UGT8: variants seen among roughly 807,000 people sequenced by gnomAD.
The protein encoded by UGT8 is 2-hydroxyacylsphingosine 1-beta-galactosyltransferase.
In UGT8, 12 loss-of-function variants were observed where a neutral mutation model predicts 40.5. That is an observed-to-expected ratio of 0.30 (90% CI 0.19 to 0.48). The LOEUF is 0.48. UGT8 is among the 20% of genes least tolerant of loss of function. UGT8 has a pLI of 0.99. For synonymous variants in UGT8, 224 were observed against 240.4 expected (o/e 0.93, Z 0.63); for missense variants, 513 against 648.7 (o/e 0.79, Z 2.27).
chr4:114,665,805 C>T, intron 4 of UGT8, 49 bp downstream of exon 4: 1 of 1,402,264 alleles, frequency 7.1e-7, no homozygotes, highest in Non-Finnish European at 9.8e-7. Context: ...GTTTTAATTA[C>T]ATAAATGTGA....
chr4:114,667,885 T>C, intron 4 of UGT8, 200 bp from the exon 5 acceptor site: 4 of 940,102 alleles, frequency 4.3e-6, no homozygotes, highest in Non-Finnish European at 5.1e-6. Flanking sequence ...GGCTTTTAAT[T>C]GATATATCAA....
At chr4:114,646,583 C>T (rs1560693720) in intron 2 of UGT8, among the ~76,000 whole-genome samples, 1 of 152,118 alleles carries the variant, frequency 6.6e-6, no homozygotes, top group African/African-American at 2.4e-5. Context: ...TGCAGAAAGA[C>T]ACACAGATAG....
At chr4:114,659,083 A>G (rs1734362555) in intron 2 of UGT8, among the ~76,000 whole-genome samples, 1 of 152,132 alleles carries the variant, frequency 6.6e-6, no homozygotes. Flanking sequence ...TTGGTATATA[A>G]TTACTCTAGG....
chr4:114,650,633 A>G (rs923282544), intron 2 of UGT8, among the ~76,000 whole-genome samples: 1 of 152,154 alleles, frequency 6.6e-6, no homozygotes, highest in African/African-American at 2.4e-5. Context: ...CTTAGAAAGA[A>G]TTGTTTTCCT....
At chr4:114,637,964 A>G (rs1732989758) in intron 2 of UGT8, among the ~76,000 whole-genome samples, 1 of 152,176 alleles carries the variant, frequency 6.6e-6, no homozygotes, top group Non-Finnish European at 1.5e-5. Context: ...AAAATACGTA[A>G]CCTCATACTT....
chr4:114,642,369 A>G (rs960423929), intron 2 of UGT8, among the ~76,000 whole-genome samples: 1 of 152,162 alleles, frequency 6.6e-6, no homozygotes, highest in Non-Finnish European at 1.5e-5. Flanking sequence ...TGCTCAGCAC[A>G]TATTAGGCCC....
chr4:114,603,243 G>A (rs1480992204), intron 1 of UGT8, among the ~76,000 whole-genome samples: 4 of 152,128 alleles, frequency 2.6e-5, no homozygotes, highest in Admixed American at 2.0e-4. Flanking sequence ...ATAGAAAATC[G>A]AACTGGAGAT....
intron 2 of UGT8, among the ~76,000 whole-genome samples, chr4:114,634,204 G>A (rs1732750709): frequency 6.6e-6 from 1 of 152,218 alleles, no homozygotes; most frequent in South Asian, 2.1e-4. Flanking sequence ...ATGCGAAAGA[G>A]TAAGGGATGA....
chr4:114,635,540 A>G (rs1475442929), intron 2 of UGT8, among the ~76,000 whole-genome samples: 4 of 152,192 alleles, frequency 2.6e-5, no homozygotes, highest in Non-Finnish European at 5.9e-5. Context: ...TAAGAATTAT[A>G]CCTTTCAGCT....
In UGT8 at chr4:114,623,199, C is replaced by G. The variant is rs137983750; in HGVS notation, c.319C>G (p.Leu107Val). The change falls in exon 2 of 6, where the codon CTG becomes GTG. Residue 107 changes from leucine to valine, a missense_variant. Leu to Val is a conservative substitution (Grantham distance 32, BLOSUM62 1). This residue lies in a region of UGT8 where 335 missense variants were observed against 444.8 expected (regional missense o/e 0.75). Coordinates refer to ENST00000310836, the MANE Select transcript of UGT8 (RefSeq NM_001128174.3). Reference protein sequence around the residue: ...RLTAIELFDILDHYTKNCDLM... With the variant: ...RLTAIELFDIVDHYTKNCDLM... ...GACAGCAATCGAACTGTTTGACATA[C>G]TGGATCACTATACTAAGAACTGTGA... is the stretch of plus-strand genomic sequence containing the variant. 1.4e-4 allele frequency: 233 copies of G among 1,614,052 alleles called. No individual in the cohort carries two copies. The highest frequency in any genetic ancestry group is 4.5e-5 in the East Asian group (2 of 44,890).
intron 2 of UGT8, among the ~76,000 whole-genome samples, chr4:114,648,377 T>G (rs1733706744): frequency 6.6e-6 from 1 of 151,084 alleles, no homozygotes. Context: ...TCTGGTTTTT[T>G]TTTTTTTTTT....
chr4:114,645,036 G>C (rs1010809822), intron 2 of UGT8, among the ~76,000 whole-genome samples: 1 of 36,316 alleles, frequency 2.8e-5, no homozygotes, highest in Non-Finnish European at 1.3e-4. Context: ...TACACATGCA[G>C]TTCACAGACA....
At chr4:114,631,327 C>CA (rs1344535867) in intron 2 of UGT8, among the ~76,000 whole-genome samples, 1 of 151,916 alleles carries the variant, frequency 6.6e-6, no homozygotes, top group Non-Finnish European at 1.5e-5. Context: ...ACTAAAAATA[C>CA]AAAAAAATTA....
chr4:114,603,091 C>A (rs891256376), intron 1 of UGT8, among the ~76,000 whole-genome samples: 5 of 152,006 alleles, frequency 3.3e-5, no homozygotes, highest in African/African-American at 1.2e-4. Context: ...GGTGGTAGAA[C>A]CTCTAAGATT....
chr4:114,671,705 C>T (rs937559729), intron 5 of UGT8, among the ~76,000 whole-genome samples: 1 of 152,074 alleles, frequency 6.6e-6, no homozygotes, highest in Non-Finnish European at 1.5e-5. Flanking sequence ...AAATGTAAAA[C>T]TCCAAACCAT....
At chr4:114,609,682 G>A (rs1043862595) in intron 1 of UGT8, among the ~76,000 whole-genome samples, 8 of 152,108 alleles carry the variant, frequency 5.3e-5, no homozygotes. Context: ...GGATTTGGTT[G>A]TTTGTCCAGC....
At chr4:114,675,866 C>T (rs1735605317) in intron 5 of UGT8, 59 bp from the exon 6 acceptor site, 2 of 1,513,978 alleles carry the variant, frequency 1.3e-6, no homozygotes, top group Admixed American at 4.4e-5. Context: ...TGAAGATATG[C>T]ATAAATATAG....
At chr4:114,625,715 A>G (rs1732170479) in intron 2 of UGT8, among the ~76,000 whole-genome samples, 1 of 151,814 alleles carries the variant, frequency 6.6e-6, no homozygotes, top group Non-Finnish European at 1.5e-5. Flanking sequence ...CCATCCAAGC[A>G]TTTTTTTCTG....
chr4:114,635,773 C>G (rs1228048264), intron 2 of UGT8, among the ~76,000 whole-genome samples: 1 of 152,120 alleles, frequency 6.6e-6, no homozygotes, highest in Admixed American at 6.5e-5. Context: ...TTTACCAGAT[C>G]TTTACAAATT....
Sources: allele counts gnomAD v4.1 joint callset (sites outside exome capture counted in the v4.1 genomes callset), GRCh38; gene constraint gnomAD v4.1.1; regional missense constraint gnomAD v4.1.1; transcripts MANE v1.5; gene names NCBI Gene and HGNC (gene_info 2026-07-23, HGNC 2026-07-21).